Variants in CTNNA3 observed in about 807,000 individuals in gnomAD.
CTNNA3 encodes catenin alpha 3.
A neutral mutation model predicts 95.7 loss-of-function variants in CTNNA3; 76 were observed. That is an observed-to-expected ratio of 0.79 (90% confidence interval 0.66 to 0.96). CTNNA3 has a LOEUF of 0.96. Among genes scored for constraint, CTNNA3 ranks in the 40% least tolerant of loss-of-function variants. The pLI is 0.00. For synonymous variants in CTNNA3, 431 were observed against 374.4 expected (o/e 1.15, Z -1.74); for missense variants, 1,191 against 1,089.8 (o/e 1.09, Z -1.31).
chr10:67,279,455 A>G (rs1839308554), intron 5 of CTNNA3, among the ~76,000 whole-genome samples: 1 of 151,936 alleles, frequency 6.6e-6, no homozygotes, highest in Admixed American at 6.6e-5. Context: ...GGGCTTCAAT[A>G]TGTAAAGGGG....
At chr10:66,427,714 T>C (rs959306510) in intron 11 of CTNNA3, among the ~76,000 whole-genome samples, 4 of 152,088 alleles carry the variant, frequency 2.6e-5, no homozygotes. Context: ...AGAGATTTTG[T>C]CACCACCAGA....
chr10:66,483,137 G>A (rs1000101674), intron 11 of CTNNA3, among the ~76,000 whole-genome samples: 2 of 152,272 alleles, frequency 1.3e-5, no homozygotes, highest in East Asian at 3.9e-4. Flanking sequence ...TATTCTAATA[G>A]TTAAGAGGAC....
chr10:66,972,728 T>C (rs1324560545), intron 7 of CTNNA3, among the ~76,000 whole-genome samples: 1 of 76,464 alleles, frequency 1.3e-5, no homozygotes, highest in Non-Finnish European at 2.7e-5. Context: ...TTTTTTTTTA[T>C]GAAATGGAGT....
chr10:67,399,376 T>C (rs1411417450), intron 5 of CTNNA3, among the ~76,000 whole-genome samples: 1 of 152,168 alleles, frequency 6.6e-6, no homozygotes, highest in Admixed American at 6.5e-5. Context: ...TAAATGAATA[T>C]ACAATTGTCA....
chr10:66,943,256 C>T (rs1161207191), intron 7 of CTNNA3, among the ~76,000 whole-genome samples: 1 of 152,142 alleles, frequency 6.6e-6, no homozygotes, highest in Non-Finnish European at 1.5e-5. Flanking sequence ...AGATATTTAG[C>T]ATAAACCTCA....
At chr10:66,905,776 G>T (rs1013210455) in intron 7 of CTNNA3, among the ~76,000 whole-genome samples, 2 of 152,176 alleles carry the variant, frequency 1.3e-5, no homozygotes, top group Non-Finnish European at 2.9e-5. Flanking sequence ...CTTACATGAG[G>T]TATCTAAAAT....
At chr10:66,343,084 C>G (rs2092469704) in intron 12 of CTNNA3, among the ~76,000 whole-genome samples, 1 of 151,894 alleles carries the variant, frequency 6.6e-6, no homozygotes, top group African/African-American at 2.4e-5. Context: ...CATTGACAAG[C>G]CCTCTCAATG....
intron 5 of CTNNA3, among the ~76,000 whole-genome samples, chr10:67,446,200 C>T (rs1846741244): frequency 6.6e-6 from 1 of 152,100 alleles, no homozygotes. Context: ...TAACTTAAGC[C>T]TACACCCCTT....
At chr10:67,330,335 T>C (rs1196717976) in intron 5 of CTNNA3, among the ~76,000 whole-genome samples, 1 of 152,150 alleles carries the variant, frequency 6.6e-6, no homozygotes, top group Non-Finnish European at 1.5e-5. Flanking sequence ...CTCTTAAATA[T>C]TTCTATATTT....
In CTNNA3 at chr10:67,045,628, C is replaced by T. The variant is rs142022381; in HGVS notation, c.1047+134689G>A. Among the ~76,000 whole-genome samples the T allele has an allele frequency of 1.4e-3, 215 of 152,294 alleles. 4 individuals carry two copies. Among genetic ancestry groups the T allele is most frequent in the Admixed American group, 9.9e-3 (152 of 15,300 alleles). On this transcript the variant is annotated intron_variant, in intron 7 of 17. Coordinates refer to ENST00000433211, the MANE Select transcript of CTNNA3 (RefSeq NM_013266.4). ...GGCAGCTGCCTTTGCGGCCAGACCC[C>T]GTTTCCCAGGACTAGGGGCACTCCG...
At chr10:66,023,098 C>A (rs372041959) in intron 15 of CTNNA3, among the ~76,000 whole-genome samples, 9 of 14,648 alleles carry the variant, frequency 6.1e-4, no homozygotes, top group Non-Finnish European at 1.2e-3. Context: ...GTTTTTAAAC[C>A]AACCATCTCT....
At chr10:66,803,985 G>A (rs931547639) in intron 7 of CTNNA3, among the ~76,000 whole-genome samples, 3 of 150,078 alleles carry the variant, frequency 2.0e-5, no homozygotes, top group African/African-American at 7.4e-5. Context: ...AATTTAAGCA[G>A]TGGTGTGCAT....
intron 7 of CTNNA3, among the ~76,000 whole-genome samples, chr10:67,031,004 CA>C (rs949278894): frequency 1.9e-4 from 29 of 152,010 alleles, no homozygotes; most frequent in Non-Finnish European, 4.0e-4. Flanking sequence ...AACTCCGTCT[CA>C]AAAAAATAAA....
intron 17 of CTNNA3, among the ~76,000 whole-genome samples, chr10:65,943,133 GGCTCACTGCAA>G (rs2077454678): frequency 6.7e-6 from 1 of 149,588 alleles, no homozygotes; most frequent in East Asian, 2.0e-4. Flanking sequence ...GCGTGATCTC[GGCTCACTGCAA>G]GCTCCGCCTC....
chr10:67,304,086 A>G (rs1418514261), intron 5 of CTNNA3, among the ~76,000 whole-genome samples: 2 of 152,268 alleles, frequency 1.3e-5, no homozygotes, highest in East Asian at 3.9e-4. Flanking sequence ...TAACATTCGC[A>G]TTGCCTTGAT....
intron 12 of CTNNA3, among the ~76,000 whole-genome samples, chr10:66,352,208 G>C (rs1184880105): frequency 6.6e-6 from 1 of 152,030 alleles, no homozygotes; most frequent in African/African-American, 2.4e-5. Flanking sequence ...CAAGGCCCCA[G>C]CAGTCAGACT....
At chr10:67,509,496 G>T (rs1210652240) in intron 5 of CTNNA3, among the ~76,000 whole-genome samples, 1 of 152,050 alleles carries the variant, frequency 6.6e-6, no homozygotes, top group Non-Finnish European at 1.5e-5. Flanking sequence ...CCAGCTTCAT[G>T]CATGTCCCTG....
chr10:66,247,851 T>C (rs2090399905), intron 13 of CTNNA3, among the ~76,000 whole-genome samples: 1 of 151,874 alleles, frequency 6.6e-6, no homozygotes, highest in Admixed American at 6.6e-5. Context: ...CTACAGGGAG[T>C]TCTTCAATCT....
At chr10:66,969,037 C>T (rs919775142) in intron 7 of CTNNA3, among the ~76,000 whole-genome samples, 54 of 151,738 alleles carry the variant, frequency 3.6e-4, no homozygotes, top group African/African-American at 1.3e-3. Context: ...AATAAATAAA[C>T]AAATATTATA....
Sources: allele counts gnomAD v4.1 joint callset (sites outside exome capture counted in the v4.1 genomes callset), GRCh38; gene constraint gnomAD v4.1.1; transcripts MANE v1.5; gene names NCBI Gene and HGNC (gene_info 2026-07-23, HGNC 2026-07-21).